The following CYP4F12 variants were observed in gnomAD, a reference collection of about 807,000 sequenced individuals.
CYP4F12 encodes the protein cytochrome P450 family 4 subfamily F member 12.
Under a neutral mutation model 56.5 loss-of-function variants are expected in CYP4F12, and 60 were observed. The ratio of observed to expected loss-of-function variants is 1.06; its 90% CI spans 0.86 to 1.32. The LOEUF (loss-of-function observed/expected upper bound fraction) is 1.32, where lower values mean the gene tolerates loss of function less well. CYP4F12 is among the 40% of genes most tolerant of loss of function. The pLI, the probability that CYP4F12 is intolerant of heterozygous loss-of-function variation, is 0.00. For synonymous variants in CYP4F12, 263 were observed against 264.9 expected, an observed-to-expected ratio of 0.99 and a Z score of 0.07; for missense variants, 711 against 683.5, an observed-to-expected ratio of 1.04 and a Z score of -0.45.
At chr19:15,675,005 C>T (rs34738977) in intron 2 of CYP4F12, among the ~76,000 whole-genome samples, 85,014 of 151,988 alleles carry the variant, frequency 0.56, 24,010 homozygotes, top group East Asian at 0.71. Flanking sequence ...GCTGCTTTCC[C>T]GCAGGAATTA....
chr19:15,689,194 T>C (rs1157372476), intron 9 of CYP4F12, among the ~76,000 whole-genome samples: 1 of 129,690 alleles, frequency 7.7e-6, no homozygotes, highest in African/African-American at 3.1e-5. Flanking sequence ...ATTTGCAAAC[T>C]ATGCATCTGA....
At chr19:15,673,832 C>CA in intron 2 of CYP4F12, 105 bp downstream of exon 2, 1 of 1,319,846 alleles carries the variant, frequency 7.6e-7, no homozygotes, top group Non-Finnish European at 1.0e-6. Context: ...CTGGGGTCTG[C>CA]GACCCCAGAG....
chr19:15,689,299 G>T (rs925309266), intron 9 of CYP4F12, among the ~76,000 whole-genome samples: 1 of 148,874 alleles, frequency 6.7e-6, no homozygotes, highest in Non-Finnish European at 1.5e-5. Context: ...AGTGGGCAAA[G>T]GGCATGAACA....
At chr19:15,678,010 C>G (rs1177694497) in intron 2 of CYP4F12, among the ~76,000 whole-genome samples, 25 of 54,964 alleles carry the variant, frequency 4.5e-4, no homozygotes, top group African/African-American at 1.0e-3. Context: ...TCATTCCTCT[C>G]CTCACTCACT....
intron 9 of CYP4F12, among the ~76,000 whole-genome samples, chr19:15,689,127 A>AAATAATAATAATAATAATAAT (rs796158245): frequency 1.1e-5 from 1 of 89,242 alleles, no homozygotes; most frequent in African/African-American, 5.3e-5. Flanking sequence ...CTGCACAACA[A>AAATAATAATAATAATAATAAT]AATAATAATA....
chr19:15,682,547 G>A (rs2007364553), intron 6 of CYP4F12, 37 bp downstream of exon 6: 5 of 1,609,740 alleles, frequency 3.1e-6, no homozygotes. Flanking sequence ...ATGAATCCAT[G>A]GACCAAAGGG....
chr19:15,678,109 G>A, intron 2 of CYP4F12, 152 bp from the exon 3 acceptor site: 1 of 991,210 alleles, frequency 1.0e-6, no homozygotes. Context: ...TTTCCATCCT[G>A]TTTACCTTCA....
At position 15,696,410 on chromosome 19, in the gene CYP4F12, CTTCT is replaced by C. The variant is rs2008141614; in HGVS notation, c.1315-17_1315-14del. 2 of 1,614,012 alleles carry C rather than the reference CTTCT, an allele frequency of 1.2e-6. No homozygotes were observed. Among genetic ancestry groups the C allele is most frequent in the Non-Finnish European group, 1.7e-6 (2 of 1,179,998 alleles). ...GACATAGGAAATCCCACTGGCAAAC[CTTCT>C]TTGTCTCACCTGCAGGTCTACGACC... On this transcript the variant is annotated splice_polypyrimidine_tract_variant and intron_variant, in intron 11 of 12. Coordinates refer to ENST00000550308, the MANE Select transcript of CYP4F12 (RefSeq NM_023944.4).
intron 11 of CYP4F12, 52 bp from the exon 12 acceptor site, chr19:15,696,378 G>T: frequency 1.9e-6 from 3 of 1,613,180 alleles, no homozygotes; most frequent in Non-Finnish European, 2.5e-6. Flanking sequence ...TCTCTCCAAG[G>T]CTGCTGGACA....
intron 5 of CYP4F12, chr19:15,681,750 G>C (rs575796298): frequency 6.6e-6 from 1 of 152,456 alleles, no homozygotes; most frequent in African/African-American, 2.4e-5. Context: ...TTGCATTGGT[G>C]GCATACGCAG....
intron 9 of CYP4F12, among the ~76,000 whole-genome samples, chr19:15,692,063 A>G (rs972835422): frequency 2.0e-5 from 3 of 151,968 alleles, no homozygotes; most frequent in South Asian, 2.1e-4. Flanking sequence ...GGTTCAAGCT[A>G]TTCTCCTGCC....
At chr19:15,687,386 A>T (rs893508774) in intron 9 of CYP4F12, among the ~76,000 whole-genome samples, 1 of 152,266 alleles carries the variant, frequency 6.6e-6, no homozygotes, top group African/African-American at 2.4e-5. Context: ...CCACTTTATA[A>T]GAACACAGAC....
At position 15,680,168 on chromosome 19, in the gene CYP4F12, G is replaced by A. The variant is rs1241945356; in HGVS notation, c.344-76G>A. ...TGGGCATGGAGTGGGGAAAGTGCTG[G>A]TAGGCAGCCTTGCCCTATACCTGAA... On this transcript the variant is annotated intron_variant, in intron 3 of 12. Transcript: ENST00000550308. 3.9e-6 allele frequency: 6 copies of A among 1,523,662 alleles called. No individual in the cohort carries two copies. The East Asian group carries it at 1.1e-4, about 29-fold the overall frequency. The allele number at this position is 1,523,662 out of a possible 1,614,324, so 94.4% of individuals were successfully genotyped here.
At chr19:15,692,911 T>TA (rs1266463671) in intron 9 of CYP4F12, among the ~76,000 whole-genome samples, 3 of 102,554 alleles carry the variant, frequency 2.9e-5, no homozygotes, top group Non-Finnish European at 6.1e-5. Context: ...CCATCTCTAC[T>TA]AAAAATAAAA....
chr19:15,696,877 G>T, intron 12 of CYP4F12, 31 bp from the exon 13 acceptor site: 1 of 1,588,258 alleles, frequency 6.3e-7, no homozygotes, highest in Non-Finnish European at 8.6e-7. Context: ...CGGGTCTTGG[G>T]CACAGTCACA....
At chr19:15,684,754 ATTTGTGTGTGTG>A in intron 7 of CYP4F12, 50 bp from the exon 8 acceptor site, 1 of 1,069,664 alleles carries the variant, frequency 9.3e-7, no homozygotes, top group Non-Finnish European at 1.3e-6. Flanking sequence ...AGATAGTATA[ATTTGTGTGTGTG>A]TGTGTGTGTG....
In CYP4F12 at chr19:15,696,320, T is replaced by C. The variant is rs1240241094; in HGVS notation, c.1314+95T>C. On this transcript the variant is annotated intron_variant, in intron 11 of 12. Coordinates refer to ENST00000550308, the MANE Select transcript of CYP4F12 (RefSeq NM_023944.4). Reference sequence around the variant, plus strand: ...GGTTCCTAGTGGAGGGGGCAGGGTTTTGATGAGGAAAATCCAACATCACCT... The same window carrying C: ...GGTTCCTAGTGGAGGGGGCAGGGTTCTGATGAGGAAAATCCAACATCACCT... 6 of 1,610,698 alleles carry C rather than the reference T, an allele frequency of 3.7e-6. No homozygotes were observed. The Admixed American group carries it at 8.4e-5, about 23-fold the overall frequency.
rs2144775739 is a variant in CYP4F12, at chr19:15,697,019, A to G, written c.1509A>G (p.Glu503=). 2 of 1,614,222 alleles carry G rather than the reference A, an allele frequency of 1.2e-6. No homozygotes were observed. Among genetic ancestry groups the G allele is most frequent in the Non-Finnish European group, 8.5e-7 (1 of 1,180,012 alleles). ...PDHTEPRRKL[E]LIMRAEGGLW... is the part of the protein sequence containing the mutation. ...ACACTGAGCCCCGCAGGAAGCTGGA[A>G]TTGATCATGCGCGCCGAGGGCGGGC... Residue 503 remains glutamate, a synonymous_variant, in exon 13 of 13, where the codon GAA becomes GAG. Transcript: ENST00000550308.
chr19:15,685,774 A>T (rs659825), intron 9 of CYP4F12, among the ~76,000 whole-genome samples: 3,772 of 151,910 alleles, frequency 0.025, 36 homozygotes, highest in African/African-American at 0.087. Flanking sequence ...TTTCTTGTTT[A>T]CTCTGAATTA....
Sources: gnomAD v4.1 joint callset for allele counts (sites outside exome capture counted in the v4.1 genomes callset) on GRCh38, gnomAD v4.1.1 for gene constraint, MANE v1.5 for transcripts, NCBI Gene and HGNC (gene_info 2026-07-23, HGNC 2026-07-21) for gene names.